GNAQ: variants seen among roughly 807,000 people sequenced by gnomAD.
The protein encoded by GNAQ is G protein subunit alpha q.
A neutral mutation model predicts 43.9 loss-of-function variants in GNAQ; 8 were observed. The ratio of observed to expected loss-of-function variants is 0.18; its 90% CI spans 0.11 to 0.33. GNAQ has a LOEUF of 0.33. Among genes scored for constraint, GNAQ ranks in the 10% least tolerant of loss-of-function variants. GNAQ has a pLI of 1.00. For synonymous variants in GNAQ, 155 were observed against 170.7 expected, an observed-to-expected ratio of 0.91 and a Z score of 0.71; for missense variants, 158 against 450.8, an observed-to-expected ratio of 0.35 and a Z score of 5.88.
chr9:77,880,211 C>T (rs948752643), intron 2 of GNAQ, among the ~76,000 whole-genome samples: 1 of 152,116 alleles, frequency 6.6e-6, no homozygotes, highest in African/African-American at 2.4e-5. Flanking sequence ...CCTTAGTTTC[C>T]CCACCATAAA....
At chr9:77,798,547 T>C (rs1266856537) in intron 3 of GNAQ, among the ~76,000 whole-genome samples, 1 of 152,198 alleles carries the variant, frequency 6.6e-6, no homozygotes, top group Admixed American at 6.5e-5. Flanking sequence ...TATGTATGTA[T>C]ACAGTCATCC....
intron 2 of GNAQ, among the ~76,000 whole-genome samples, chr9:77,845,161 C>T (rs1252319165): frequency 6.6e-6 from 1 of 152,008 alleles, no homozygotes; most frequent in Non-Finnish European, 1.5e-5. Flanking sequence ...TAAAAACAAA[C>T]CATTTTTGCA....
intron 5 of GNAQ, among the ~76,000 whole-genome samples, chr9:77,772,120 C>T (rs977307887): frequency 3.9e-5 from 6 of 152,048 alleles, no homozygotes; most frequent in Admixed American, 3.3e-4. Flanking sequence ...AAATTATGAC[C>T]CATATTAACA....
At chr9:77,732,173 A>C (rs1211958132) in intron 5 of GNAQ, among the ~76,000 whole-genome samples, 1 of 152,108 alleles carries the variant, frequency 6.6e-6, no homozygotes, top group African/African-American at 2.4e-5. Flanking sequence ...CTTTGCAGTA[A>C]TCTGCCAGAG....
intron 2 of GNAQ, among the ~76,000 whole-genome samples, chr9:77,898,922 C>T (rs1237853836): frequency 6.6e-6 from 1 of 152,060 alleles, no homozygotes; most frequent in African/African-American, 2.4e-5. Context: ...ATATATCATG[C>T]ATTACTTTCT....
intron 5 of GNAQ, among the ~76,000 whole-genome samples, chr9:77,754,005 C>T (rs1383943262): frequency 2.6e-5 from 4 of 152,002 alleles, no homozygotes; most frequent in African/African-American, 4.8e-5. Context: ...GAGTCTTTTC[C>T]CTGTAAGCTT....
chr9:77,929,146 T>G (rs1332449178), intron 1 of GNAQ, among the ~76,000 whole-genome samples: 1 of 152,242 alleles, frequency 6.6e-6, no homozygotes, highest in African/African-American at 2.4e-5. Context: ...TAAAACTTGT[T>G]CAGCAAGTTA....
intron 1 of GNAQ, among the ~76,000 whole-genome samples, chr9:77,967,224 G>A (rs1564165375): frequency 6.6e-6 from 1 of 152,166 alleles, no homozygotes; most frequent in Admixed American, 6.5e-5. Context: ...GTATACCCCT[G>A]TTGGGCTGAC....
chr9:77,863,697 T>C (rs1827899055), intron 2 of GNAQ, among the ~76,000 whole-genome samples: 1 of 151,782 alleles, frequency 6.6e-6, no homozygotes, highest in Non-Finnish European at 1.5e-5. Flanking sequence ...AAAAAAGAGG[T>C]TTAATGGACT....
chr9:77,750,662 G>A (rs768530654), intron 5 of GNAQ, among the ~76,000 whole-genome samples: 43 of 87,294 alleles, frequency 4.9e-4, no homozygotes, highest in South Asian at 1.4e-3. Flanking sequence ...TCATCAAGCT[G>A]GAAAAAAAAA....
intron 2 of GNAQ, among the ~76,000 whole-genome samples, chr9:77,833,878 T>C (rs1479246095): frequency 6.6e-6 from 1 of 152,184 alleles, no homozygotes; most frequent in Non-Finnish European, 1.5e-5. Flanking sequence ...GACTTGGCTA[T>C]TCTGGAAAAA....
intron 2 of GNAQ, among the ~76,000 whole-genome samples, chr9:77,841,088 AAAAC>A (rs779705142): frequency 4.5e-4 from 68 of 152,166 alleles, no homozygotes; most frequent in Non-Finnish European, 7.1e-4. Flanking sequence ...TCATGTTAAA[AAAAC>A]AAACAAACAA....
At chr9:77,791,229 C>A (rs1826566563) in intron 5 of GNAQ, among the ~76,000 whole-genome samples, 2 of 152,128 alleles carry the variant, frequency 1.3e-5, no homozygotes, top group South Asian at 4.1e-4. Context: ...GTCATTGAGA[C>A]AATGTCTGAG....
chr9:77,745,621 A>G (rs967389252), intron 5 of GNAQ, among the ~76,000 whole-genome samples: 1 of 146,738 alleles, frequency 6.8e-6, no homozygotes, highest in African/African-American at 2.5e-5. Flanking sequence ...CAAAAAAAAA[A>G]TCTATGAAAG....
chr9:77,821,757 GTA>G (rs796629292), intron 2 of GNAQ, among the ~76,000 whole-genome samples: 6 of 150,502 alleles, frequency 4.0e-5, no homozygotes, highest in East Asian at 2.0e-4. Context: ...GTGTGTGTGT[GTA>G]TGTATGTATG....
chr9:77,861,832 T>G (rs1489234867), intron 2 of GNAQ, among the ~76,000 whole-genome samples: 1 of 151,852 alleles, frequency 6.6e-6, no homozygotes, highest in East Asian at 1.9e-4. Context: ...AAACCCCATC[T>G]CTACTAAAAA....
intron 3 of GNAQ, among the ~76,000 whole-genome samples, chr9:77,811,276 T>C (rs899335002): frequency 2.6e-5 from 4 of 151,852 alleles, no homozygotes; most frequent in Non-Finnish European, 5.9e-5. Context: ...CAATGAAGTA[T>C]GTTTCAATTA....
At chr9:77,931,921 G>A (rs1354928226) in intron 1 of GNAQ, among the ~76,000 whole-genome samples, 1 of 149,094 alleles carries the variant, frequency 6.7e-6, no homozygotes, top group Admixed American at 6.7e-5. Context: ...GCAAAAATGA[G>A]AGAGTAGTCT....
intron 1 of GNAQ, among the ~76,000 whole-genome samples, chr9:77,985,723 A>G (rs1179269257): frequency 1.3e-5 from 2 of 152,018 alleles, no homozygotes; most frequent in African/African-American, 2.4e-5. Context: ...AGTAGCTGGG[A>G]TTACAGGCAT....
Sources: allele counts gnomAD v4.1 joint callset (sites outside exome capture counted in the v4.1 genomes callset), GRCh38; gene constraint gnomAD v4.1.1; transcripts MANE v1.5; gene names NCBI Gene and HGNC (gene_info 2026-07-23, HGNC 2026-07-21).